ALX4: variants seen among roughly 807,000 people sequenced by gnomAD.
The protein encoded by ALX4 is homeobox protein aristaless-like 4.
A neutral mutation model predicts 40.6 loss-of-function variants in ALX4; 22 were observed. The ratio of observed to expected loss-of-function variants is 0.54; its 90% CI spans 0.39 to 0.77. The LOEUF (loss-of-function observed/expected upper bound fraction) is 0.77. Among genes scored for constraint, ALX4 ranks in the 30% least tolerant of loss-of-function variants. The pLI, the probability that ALX4 is intolerant of heterozygous loss-of-function variation, is 0.00. For missense variants in ALX4, 556 were observed against 564.8 expected (o/e 0.98, Z 0.16); for synonymous variants, 266 against 240.5 (o/e 1.11, Z -0.98).
chr11:44,309,970 C>A lies in ALX4; in HGVS notation c.93G>T (p.Ser31=). 1 of 1,596,130 alleles carries A rather than the reference C, an allele frequency of 6.3e-7. No homozygotes were observed. The change falls in exon 1 of 4, where the codon TCG becomes TCT. Residue 31 remains serine (S), a synonymous_variant. Coordinates refer to ENST00000652299, the MANE Select transcript of ALX4 (RefSeq NM_021926.4). ...YSPVSQSREG[S]SPFRAFPGGD... Reference sequence around the variant, plus strand: ...CTCCGGGAAATGCCCTAAAAGGCGACGAGCCCTCCCGACTCTGCGACACCG... The same window carrying A: ...CTCCGGGAAATGCCCTAAAAGGCGAAGAGCCCTCCCGACTCTGCGACACCG...
In ALX4 at chr11:44,264,032, C is replaced by T. The variant is rs1956197973; in HGVS notation, c.*822G>A. 1 of 151,400 alleles carries T rather than the reference C, an allele frequency of 6.6e-6. No individual in the cohort carries two copies. The highest frequency in any genetic ancestry group is 6.6e-5 in the Admixed American group (1 of 15,236). The allele number at this position is 151,400 out of a possible 1,614,324, so 9.4% of individuals were successfully genotyped here. On this transcript the variant is annotated 3_prime_UTR_variant, in exon 4 of 4. Transcript: ENST00000652299. ...GCCCCACCCGGATGCCTCCCCCTCT[C>T]CCAGGACCTTTCCTTCTTCTAGCAC...
At chr11:44,308,751 T>C (rs1031438388) in intron 1 of ALX4, among the ~76,000 whole-genome samples, 15 of 152,304 alleles carry the variant, frequency 9.8e-5, no homozygotes, top group African/African-American at 3.4e-4. Context: ...TGGGCTCAAA[T>C]CAGGACCCAG....
Position 44,302,630 on chromosome 11 carries a change from C to T in ALX4, c.466+6967G>A, listed in dbSNP as rs147767198. Among the ~76,000 whole-genome samples, 845 of 152,246 alleles carry T rather than the reference C, an allele frequency of 5.6e-3. 3 individuals carry two copies. The highest frequency in any genetic ancestry group is 8.3e-3 in the Non-Finnish European group (566 of 68,008). ...TGAGTGGACACAGGGGCCATGAGCC[C>T]GGGGCCTCAGCTTGAGCCTGGTCAC... On this transcript the variant is annotated intron_variant, in intron 1 of 3. Transcript: ENST00000652299.
At position 44,275,574 on chromosome 11, in the gene ALX4, T is replaced by C; in HGVS notation, c.551A>G (p.Glu184Gly). The change falls in exon 2 of 4, where the codon GAG (glutamate) becomes GGG (glycine). Residue 184 changes from glutamate (E) to glycine (G), a missense_variant. Physicochemically the swap from Glu to Gly is moderately conservative, Grantham distance 98. Transcript: ENST00000652299. ...GMDSSYLSVKEAGVKGPQDRA... is the reference protein window; with the variant it reads ...GMDSSYLSVKGAGVKGPQDRA... ...GTCCTGGGGCCCCTTCACCCCAGCCTCCTTGACACTCAGGTAGCTGCTGTC... is the reference window on the plus strand; with the variant it reads ...GTCCTGGGGCCCCTTCACCCCAGCCCCCTTGACACTCAGGTAGCTGCTGTC... 6.2e-7 allele frequency: 1 copy of C among 1,614,090 alleles called. No individual in the cohort carries two copies. Among genetic ancestry groups the C allele is most frequent in the Non-Finnish European group, 8.5e-7 (1 of 1,179,990 alleles).
intron 1 of ALX4, among the ~76,000 whole-genome samples, chr11:44,295,815 A>C (rs1316212725): frequency 6.6e-6 from 1 of 152,218 alleles, no homozygotes; most frequent in Non-Finnish European, 1.5e-5. Flanking sequence ...CTCAGAGCAC[A>C]AAAGAATTTC....
At chr11:44,284,003 T>C (rs9971516) in intron 1 of ALX4, among the ~76,000 whole-genome samples, 17,277 of 152,222 alleles carry the variant, frequency 0.11, 1,102 homozygotes, top group Middle Eastern at 0.17. Flanking sequence ...TGGCATGCAG[T>C]AGATGCTCAG....
intron 1 of ALX4, among the ~76,000 whole-genome samples, chr11:44,295,918 T>C (rs957090990): frequency 6.6e-6 from 1 of 152,226 alleles, no homozygotes; most frequent in Non-Finnish European, 1.5e-5. Context: ...ACTGTGGCTC[T>C]AGAGTCCTCG....
intron 1 of ALX4, among the ~76,000 whole-genome samples, chr11:44,287,241 C>A (rs1177187122): frequency 1.3e-5 from 2 of 152,158 alleles, no homozygotes; most frequent in African/African-American, 4.8e-5. Context: ...ATGGAGTGGG[C>A]TTCCCAGAGT....
rs1956184662 is a variant in ALX4, at chr11:44,261,901, AGCT to A, written c.*2950_*2952del. The A allele has an allele frequency of 1.3e-5, 2 of 152,294 alleles. No individual in the cohort carries two copies. Among genetic ancestry groups the A allele is most frequent in the African/African-American group, 4.8e-5 (2 of 41,472 alleles). 9.4% of individuals were successfully genotyped at this position (152,294 alleles called of 1,614,324 possible). A position where few individuals can be genotyped will look rare whatever the true frequency, so the allele number is the denominator to read the frequency against. On this transcript the variant is annotated 3_prime_UTR_variant, in exon 4 of 4. Coordinates refer to ENST00000652299, the MANE Select transcript of ALX4 (RefSeq NM_021926.4). ...GCTTTAGCTCCAGATGGCCTTGGGC[AGCT>A]GCCCTGACTTGCTCAGTCATCCTAG...
At chr11:44,308,832 C>A (rs763830918) in intron 1 of ALX4, among the ~76,000 whole-genome samples, 1 of 152,250 alleles carries the variant, frequency 6.6e-6, no homozygotes, top group African/African-American at 2.4e-5. Flanking sequence ...CTACTCTGTC[C>A]TAAACCATTG....
chr11:44,296,353 A>C (rs1956402467), intron 1 of ALX4, among the ~76,000 whole-genome samples: 2 of 152,234 alleles, frequency 1.3e-5, no homozygotes, highest in African/African-American at 4.8e-5. Flanking sequence ...TAAAGCTCTT[A>C]AAAGAAGACA....
At chr11:44,283,629 A>G (rs1956322207) in intron 1 of ALX4, among the ~76,000 whole-genome samples, 1 of 152,080 alleles carries the variant, frequency 6.6e-6, no homozygotes, top group Non-Finnish European at 1.5e-5. Context: ...CAGTGGTTCG[A>G]TCTCGGCTCA....
At chr11:44,271,855 C>G (rs967703036) in intron 2 of ALX4, among the ~76,000 whole-genome samples, 4 of 152,126 alleles carry the variant, frequency 2.6e-5, no homozygotes, top group Non-Finnish European at 4.4e-5. Flanking sequence ...CCCGGGCACT[C>G]CCATATATTT....
chr11:44,267,699 G>A (rs1013274100), intron 2 of ALX4, 77 bp from the exon 3 acceptor site: 3 of 1,597,660 alleles, frequency 1.9e-6, no homozygotes, highest in African/African-American at 1.3e-5. Context: ...AGTGCAAACT[G>A]TTCCCTTGAG....
chr11:44,282,633 C>T (rs1339566597), intron 1 of ALX4, among the ~76,000 whole-genome samples: 1 of 152,276 alleles, frequency 6.6e-6, no homozygotes, highest in South Asian at 2.1e-4. Flanking sequence ...GGCCATGGAT[C>T]GACTCCACAG....
At position 44,262,965 on chromosome 11, in the gene ALX4, C is replaced by T. The variant is rs1272611602; in HGVS notation, c.*1889G>A. ...CCTCCAAGAACATTTAATTCAATGT[C>T]CAAGACCCTTTCACCTCTATAAGAT... On this transcript the variant is annotated 3_prime_UTR_variant, in exon 4 of 4. Transcript: ENST00000652299. The T allele has an allele frequency of 6.6e-6, 1 of 152,196 alleles. No individual in the cohort carries two copies. Among genetic ancestry groups the T allele is most frequent in the African/African-American group, 2.4e-5 (1 of 41,436 alleles). The allele number at this position is 152,196 out of a possible 1,614,324, so 9.4% of individuals were successfully genotyped here.
intron 1 of ALX4, among the ~76,000 whole-genome samples, chr11:44,279,983 T>A (rs1316869411): frequency 6.6e-6 from 1 of 152,238 alleles, no homozygotes; most frequent in Non-Finnish European, 1.5e-5. Flanking sequence ...CAGGTATCTG[T>A]GTGCACCTTT....
intron 1 of ALX4, 38 bp downstream of exon 1, chr11:44,309,559 G>T (rs776099334): frequency 2.0e-5 from 31 of 1,546,930 alleles, no homozygotes; most frequent in Non-Finnish European, 2.4e-5. Flanking sequence ...CAAGCACCCC[G>T]TGGTCCCCAG....
intron 1 of ALX4, among the ~76,000 whole-genome samples, chr11:44,290,619 CTG>C (rs1370073668): frequency 6.6e-6 from 1 of 152,202 alleles, no homozygotes; most frequent in Non-Finnish European, 1.5e-5. Flanking sequence ...TCTGTTGAAG[CTG>C]TGTTTAGCTA....
Sources: gnomAD v4.1 joint callset for allele counts (sites outside exome capture counted in the v4.1 genomes callset) on GRCh38, gnomAD v4.1.1 for gene constraint, MANE v1.5 for transcripts, NCBI Gene and HGNC (gene_info 2026-07-23, HGNC 2026-07-21) for gene names.